PPP2R2B: variants seen among roughly 807,000 people sequenced by gnomAD.
PPP2R2B encodes the protein protein phosphatase 2 regulatory subunit Bbeta, also known as serine/threonine-protein phosphatase 2A 55 kDa regulatory subunit B beta isoform.
PPP2R2B carries 5 observed loss-of-function variants against 46.0 expected under a neutral mutation model. The observed-to-expected ratio is 0.11, with a 90% CI of 0.06 to 0.23. PPP2R2B has a LOEUF of 0.23. PPP2R2B is among the 10% of genes least tolerant of loss of function. PPP2R2B has a pLI of 1.00. For synonymous variants in PPP2R2B, 215 were observed against 206.7 expected (o/e 1.04, Z -0.34); for missense variants, 367 against 575.0 (o/e 0.64, Z 3.70).
chr5:146,986,592 C>T (rs1395742695), intron 1 of PPP2R2B, among the ~76,000 whole-genome samples: 1 of 151,876 alleles, frequency 6.6e-6, no homozygotes, highest in Non-Finnish European at 1.5e-5. Context: ...AAACAGAAAT[C>T]CTGGAGTAAA....
At chr5:146,983,415 C>A (rs1019533167) in intron 1 of PPP2R2B, among the ~76,000 whole-genome samples, 1 of 152,076 alleles carries the variant, frequency 6.6e-6, no homozygotes, top group Non-Finnish European at 1.5e-5. Flanking sequence ...CTCCTGACCT[C>A]GTGATCTGCC....
intron 5 of PPP2R2B, among the ~76,000 whole-genome samples, chr5:146,687,302 C>G (rs952033960): frequency 2.0e-5 from 3 of 152,222 alleles, no homozygotes; most frequent in African/African-American, 7.2e-5. Context: ...GAGGCTGCAT[C>G]GGATCGAAGG....
At chr5:146,718,528 C>A (rs2151190645) in intron 2 of PPP2R2B, among the ~76,000 whole-genome samples, 1 of 152,218 alleles carries the variant, frequency 6.6e-6, no homozygotes. Context: ...ACTATGGGAT[C>A]ATGAAAATTT....
At chr5:146,705,963 G>A (rs1467307518) in intron 2 of PPP2R2B, among the ~76,000 whole-genome samples, 1 of 149,826 alleles carries the variant, frequency 6.7e-6, no homozygotes, top group Non-Finnish European at 1.5e-5. Flanking sequence ...AGCTAGCTGA[G>A]GTTTTATTTT....
chr5:146,909,369 A>G (rs2151804158), intron 1 of PPP2R2B, among the ~76,000 whole-genome samples: 1 of 152,312 alleles, frequency 6.6e-6, no homozygotes, highest in Middle Eastern at 3.4e-3. Context: ...ACTTCAAAGA[A>G]TGACAATGTG....
chr5:146,755,494 G>T, intron 2 of PPP2R2B, among the ~76,000 whole-genome samples: 1 of 152,210 alleles, frequency 6.6e-6, no homozygotes. Flanking sequence ...TATAATAAAT[G>T]ATCATTTTTA....
intron 1 of PPP2R2B, among the ~76,000 whole-genome samples, chr5:146,965,375 G>T (rs1752356634): frequency 6.6e-6 from 1 of 152,152 alleles, no homozygotes; most frequent in South Asian, 2.1e-4. Flanking sequence ...GAACGTTGAG[G>T]TTTTCTCTGA....
chr5:147,075,149 A>T (rs1453049164), intron 2 of PPP2R2B, among the ~76,000 whole-genome samples: 1 of 152,194 alleles, frequency 6.6e-6, no homozygotes, highest in African/African-American at 2.4e-5. Flanking sequence ...CGAGTGGGAA[A>T]TTTTTACCAT....
intron 5 of PPP2R2B, among the ~76,000 whole-genome samples, chr5:146,672,808 GATTT>G (rs1252388511): frequency 2.6e-5 from 4 of 152,042 alleles, no homozygotes; most frequent in Non-Finnish European, 5.9e-5. Context: ...TCTCTCCGAC[GATTT>G]ATTTTTTCCT....
chr5:146,677,972 A>ATC (rs1431058146), intron 5 of PPP2R2B, among the ~76,000 whole-genome samples: 3 of 152,296 alleles, frequency 2.0e-5, no homozygotes, highest in African/African-American at 7.2e-5. Context: ...GGTTAGACAG[A>ATC]AGGAAACATT....
chr5:146,649,882 G>A (rs192092517), intron 6 of PPP2R2B, among the ~76,000 whole-genome samples: 3 of 152,264 alleles, frequency 2.0e-5, no homozygotes, highest in African/African-American at 7.2e-5. Context: ...TGTTAGCAAA[G>A]TTCTGTTTCT....
rs192286524 is a variant in PPP2R2B, at chr5:146,897,996, C to T, written c.79+157669G>A. Among the ~76,000 whole-genome samples the T allele has an allele frequency of 2.1e-3, 317 of 152,228 alleles. 3 individuals are homozygous for T. Among genetic ancestry groups the T allele is most frequent in the Admixed American group, 1.2e-3 (18 of 15,300 alleles). ...CCTGAGGAGTTTGAGACCAGCCTGG[C>T]CAGCATGGCAAAACCCCGTGTCTAC... On this transcript the variant is annotated intron_variant, in intron 1 of 8. Transcript: ENST00000336640.
intron 1 of PPP2R2B, among the ~76,000 whole-genome samples, chr5:146,895,720 A>T (rs1255094896): frequency 6.6e-6 from 1 of 152,216 alleles, no homozygotes; most frequent in Non-Finnish European, 1.5e-5. Flanking sequence ...GCATATTTTC[A>T]TACTATTTTG....
At chr5:147,031,381 C>T (rs1755775263) in intron 1 of PPP2R2B, among the ~76,000 whole-genome samples, 1 of 152,036 alleles carries the variant, frequency 6.6e-6, no homozygotes, top group South Asian at 2.1e-4. Context: ...ATTCAGCTGT[C>T]CAACTGTTTT....
chr5:146,795,449 G>A (rs967807929), intron 2 of PPP2R2B, among the ~76,000 whole-genome samples: 10 of 152,054 alleles, frequency 6.6e-5, no homozygotes, highest in African/African-American at 2.4e-4. Flanking sequence ...AGACAATACT[G>A]CATGATCTCA....
At position 147,029,829 on chromosome 5, in the gene PPP2R2B, G is replaced by C. The variant is rs536168676; in HGVS notation, c.79+25836C>G. 1.3e-4 allele frequency among the ~76,000 whole-genome samples: 20 copies of C among 152,186 alleles called. No individual in the cohort carries two copies. The South Asian group carries it at 1.7e-3, about 13-fold the overall frequency. ...AGAGGCTTCACCAGAAACCCATCCCGCCAGCACCTTAATCTAGCCTCTGGA... is the reference window on the plus strand; with the variant it reads ...AGAGGCTTCACCAGAAACCCATCCCCCCAGCACCTTAATCTAGCCTCTGGA... On this transcript the variant is annotated intron_variant, in intron 1 of 8. Coordinates refer to the PPP2R2B transcript ENST00000336640.
chr5:146,671,267 T>C (rs914099322), intron 5 of PPP2R2B, among the ~76,000 whole-genome samples: 1 of 152,162 alleles, frequency 6.6e-6, no homozygotes, highest in Non-Finnish European at 1.5e-5. Context: ...TTATAGAAAA[T>C]GTACTGTGTC....
At chr5:147,018,228 C>T (rs574165370) in intron 1 of PPP2R2B, among the ~76,000 whole-genome samples, 18 of 152,074 alleles carry the variant, frequency 1.2e-4, no homozygotes, top group African/African-American at 3.4e-4. Flanking sequence ...TGTATGACTT[C>T]GAAAGGCAGA....
chr5:146,812,815 A>ATATG (rs1554140181), intron 2 of PPP2R2B, among the ~76,000 whole-genome samples: 1,625 of 35,630 alleles, frequency 0.046, 397 homozygotes, highest in African/African-American at 0.093. Context: ...ATATATATAT[A>ATATG]TATATATATA....
Sources: allele counts gnomAD v4.1 joint callset (sites outside exome capture counted in the v4.1 genomes callset), GRCh38; gene constraint gnomAD v4.1.1; transcripts MANE v1.5; gene names NCBI Gene and HGNC (gene_info 2026-07-23, HGNC 2026-07-21).